Variants in XIRP2 observed in about 807,000 individuals in gnomAD.
XIRP2 encodes xin actin-binding repeat-containing protein 2.
Under a neutral mutation model 277.0 loss-of-function variants are expected in XIRP2, and 236 were observed. That is an observed-to-expected ratio of 0.85 (90% CI 0.77 to 0.95). The LOEUF is 0.95. Among genes scored for constraint, XIRP2 ranks in the 40% least tolerant of loss-of-function variants. The probability of loss-of-function intolerance (pLI) is 0.00; values close to 1 mark genes in which losing one functional copy is unlikely to be tolerated. For missense variants in XIRP2, 4,640 were observed against 4,157.5 expected (o/e 1.12, Z -3.19); for synonymous variants, 1,490 against 1,416.5 (o/e 1.05, Z -1.17).
chr2:167,033,174 G>A (rs1237922635), intron 2 of XIRP2, among the ~76,000 whole-genome samples: 2 of 152,104 alleles, frequency 1.3e-5, no homozygotes, highest in African/African-American at 2.4e-5. Context: ...ATCATTCTCA[G>A]CAAACTAACA....
At chr2:167,125,007 C>T (rs1308251911) in intron 2 of XIRP2, among the ~76,000 whole-genome samples, 3 of 152,112 alleles carry the variant, frequency 2.0e-5, no homozygotes, top group Non-Finnish European at 4.4e-5. Context: ...CCAGGAAGCC[C>T]AGTTAACTCA....
At chr2:167,228,274 A>G (rs904962925) in intron 5 of XIRP2, among the ~76,000 whole-genome samples, 1 of 152,184 alleles carries the variant, frequency 6.6e-6, no homozygotes, top group African/African-American at 2.4e-5. Flanking sequence ...ATAAAGTTTC[A>G]GTCACAGTCC....
At chr2:167,036,298 C>A (rs1372990925) in intron 2 of XIRP2, among the ~76,000 whole-genome samples, 1 of 152,054 alleles carries the variant, frequency 6.6e-6, no homozygotes, top group African/African-American at 2.4e-5. Context: ...CAATAGCAGC[C>A]CATGAAAGCA....
chr2:167,011,292 AT>A (rs1687672726), intron 2 of XIRP2, among the ~76,000 whole-genome samples: 1 of 151,516 alleles, frequency 6.6e-6, no homozygotes, highest in African/African-American at 2.4e-5. Context: ...GGGTTGTTGA[AT>A]TTTGTCAAAG....
In XIRP2 at chr2:166,967,809, A is replaced by G. The variant is rs370093089; in HGVS notation, c.408+63919A>G. 7.6e-4 allele frequency among the ~76,000 whole-genome samples: 116 copies of G among 152,042 alleles called. 1 individual carries two copies. The highest frequency in any genetic ancestry group is 2.7e-3 in the African/African-American group (113 of 41,534). Reference sequence around the variant, plus strand: ...TTATTTACATTATTCTAAAGATGACAGTGATTATTCTAGTTCCCCACCTTT... The same window carrying G: ...TTATTTACATTATTCTAAAGATGACGGTGATTATTCTAGTTCCCCACCTTT... On this transcript the variant is annotated intron_variant, in intron 2 of 10. Coordinates refer to ENST00000409195, the MANE Select transcript of XIRP2 (RefSeq NM_152381.6).
In XIRP2 at chr2:167,007,699, T is replaced by TCA. The variant is rs1192592539; in HGVS notation, c.408+103810_408+103811insAC. Among the ~76,000 whole-genome samples, 24 of 123,424 alleles carry TCA rather than the reference T, an allele frequency of 1.9e-4. No homozygotes were observed. The East Asian group carries it at 2.5e-3, about 13-fold the overall frequency. 81.0% of individuals were successfully genotyped at this position (123,424 alleles called of 152,430 possible). A position where few individuals can be genotyped will look rare whatever the true frequency, so the allele number is the denominator to read the frequency against. Reference sequence around the variant, plus strand: ...TGTACACTCTCTCTCTCTCTCTCTCTCTCTCACACACACACACACACACAC... The same window carrying TCA: ...TGTACACTCTCTCTCTCTCTCTCTCTCACTCTCACACACACACACACACACAC... On this transcript the variant is annotated intron_variant, in intron 2 of 10. Coordinates refer to ENST00000409195, the MANE Select transcript of XIRP2 (RefSeq NM_152381.6).
At chr2:167,237,695 A>G (rs1470072754) in intron 5 of XIRP2, among the ~76,000 whole-genome samples, 1 of 152,216 alleles carries the variant, frequency 6.6e-6, no homozygotes, top group Non-Finnish European at 1.5e-5. Context: ...CTCTAGGCGG[A>G]GACATGATTC....
chr2:167,189,352 A>C (rs898995878), intron 3 of XIRP2, among the ~76,000 whole-genome samples: 9 of 152,126 alleles, frequency 5.9e-5, no homozygotes, highest in African/African-American at 2.2e-4. Context: ...TCATGTCTAG[A>C]TTTATTAATT....
intron 3 of XIRP2, among the ~76,000 whole-genome samples, chr2:167,194,243 C>T (rs1480118712): frequency 6.6e-6 from 1 of 151,572 alleles, no homozygotes; most frequent in Non-Finnish European, 1.5e-5. Context: ...CACAACACCA[C>T]CTAATTTTTG....
At chr2:167,203,211 G>A (rs181328386) in intron 3 of XIRP2, among the ~76,000 whole-genome samples, 2 of 152,262 alleles carry the variant, frequency 1.3e-5, no homozygotes, top group Admixed American at 6.5e-5. Context: ...TTGGGGGACC[G>A]ATGTTCTGTC....
intron 2 of XIRP2, among the ~76,000 whole-genome samples, chr2:166,953,117 C>T (rs1179134682): frequency 6.6e-6 from 1 of 151,926 alleles, no homozygotes; most frequent in African/African-American, 2.4e-5. Flanking sequence ...TAATGTTCCC[C>T]TATTATGCAA....
At chr2:167,090,323 T>C (rs1425245767) in intron 2 of XIRP2, among the ~76,000 whole-genome samples, 2 of 152,254 alleles carry the variant, frequency 1.3e-5, no homozygotes, top group South Asian at 4.1e-4. Context: ...GTAGTTTATA[T>C]TGATGTCCTA....
At chr2:167,170,525 C>T (rs1692655988) in intron 3 of XIRP2, among the ~76,000 whole-genome samples, 1 of 151,930 alleles carries the variant, frequency 6.6e-6, no homozygotes, top group African/African-American at 2.4e-5. Context: ...TCTTGTGTTG[C>T]TTGTGATTAG....
Position 166,892,981 on chromosome 2 carries a change from T to TACACACAC in XIRP2, c.-19+4444_-19+4451dup, listed in dbSNP as rs768482855. ...GTATATACATATATATATATGTATA[T>TACACACAC]ACACACACACACACACACACACACA... On this transcript the variant is annotated intron_variant, in intron 1 of 10. Coordinates refer to ENST00000409195, the MANE Select transcript of XIRP2 (RefSeq NM_152381.6). 2.5e-3 allele frequency among the ~76,000 whole-genome samples: 359 copies of TACACACAC among 143,094 alleles called. 3 individuals carry two copies. The highest frequency in any genetic ancestry group is 4.6e-3 in the South Asian group (21 of 4,586). The allele number at this position is 143,094 out of a possible 152,430, so 93.9% of individuals were successfully genotyped here.
intron 2 of XIRP2, among the ~76,000 whole-genome samples, chr2:167,070,080 G>A (rs1689401482): frequency 6.6e-6 from 1 of 151,942 alleles, no homozygotes; most frequent in Non-Finnish European, 1.5e-5. Flanking sequence ...CTTGCTGAAT[G>A]CTCCAAACAC....
intron 2 of XIRP2, among the ~76,000 whole-genome samples, chr2:167,082,312 A>T (rs1689761560): frequency 6.6e-6 from 1 of 152,154 alleles, no homozygotes. Context: ...TGCATAGTGT[A>T]TATGTGCCAC....
chr2:167,038,292 C>A (rs1451133525), intron 2 of XIRP2, among the ~76,000 whole-genome samples: 3 of 151,888 alleles, frequency 2.0e-5, no homozygotes, highest in Admixed American at 6.6e-5. Flanking sequence ...TTTGCACCAA[C>A]CTATTAGTTT....
chr2:167,213,217 G>T (rs73970900), intron 4 of XIRP2, among the ~76,000 whole-genome samples: 22,817 of 152,044 alleles, frequency 0.15, 2,126 homozygotes, highest in African/African-American at 0.27. Flanking sequence ...GAATTAAAAT[G>T]CCAGATTCAT....
chr2:166,911,537 A>C (rs1221110508), intron 2 of XIRP2, among the ~76,000 whole-genome samples: 12 of 151,952 alleles, frequency 7.9e-5, no homozygotes. Flanking sequence ...CAATACAGCA[A>C]CCTGATGGGT....
Sources: allele counts gnomAD v4.1 joint callset (sites outside exome capture counted in the v4.1 genomes callset), GRCh38; gene constraint gnomAD v4.1.1; transcripts MANE v1.5; gene names NCBI Gene and HGNC (gene_info 2026-07-23, HGNC 2026-07-21).